The following EGR4 variants were observed in gnomAD, a reference collection of about 807,000 sequenced individuals.
EGR4 encodes early growth response protein 4.
A neutral mutation model predicts 25.4 loss-of-function variants in EGR4; 22 were observed. That is an observed-to-expected ratio of 0.87 (90% CI 0.62 to 1.24). The LOEUF is 1.24. EGR4 is among the 50% of genes most tolerant of loss of function. EGR4 has a pLI of 0.00. For synonymous variants in EGR4, 375 were observed against 320.1 expected (o/e 1.17, Z -1.83); for missense variants, 742 against 702.9 (o/e 1.06, Z -0.63).
rs761893603 is a variant in EGR4 at position 73,291,786 on chromosome 2, T to C, written c.1132A>G (p.Lys378Glu). The change falls in exon 2 of 2, where the codon AAG becomes GAG. Residue 378 changes from lysine to glutamate, a missense_variant. Coordinates refer to ENST00000436467, the MANE Select transcript of EGR4 (RefSeq NM_001965.4). ...TRCFCPRPHA[K>E]AFACPVESCV... ...CTCTCCACCGGGCAAGCGAAGGCCT[T>C]GGCGTGCGGCCGCGGGCAGAAGCAG... The C allele has an allele frequency of 1.3e-6, 2 of 1,597,952 alleles. No homozygotes were observed. Among genetic ancestry groups the C allele is most frequent in the Non-Finnish European group, 1.7e-6 (2 of 1,177,492 alleles).
At position 73,292,392 on chromosome 2, in the gene EGR4, G is replaced by C; in HGVS notation, c.526C>G (p.Gln176Glu). 6.5e-7 allele frequency: 1 copy of C among 1,532,596 alleles called. No individual in the cohort carries two copies. Among genetic ancestry groups the C allele is most frequent in the Non-Finnish European group, 8.8e-7 (1 of 1,142,692 alleles). The allele number at this position is 1,532,596 out of a possible 1,614,324, so 94.9% of individuals were successfully genotyped here. A position where few individuals can be genotyped will look rare whatever the true frequency, so the allele number is the denominator to read the frequency against. ...GAPSQCLYEP[Q>E]LSPPDVKPGL... Reference sequence around the variant, plus strand: ...GGCTTGACGTCGGGCGGGGAGAGCTGAGGCTCATACAGGCACTGCGAGGGG... The same window carrying C: ...GGCTTGACGTCGGGCGGGGAGAGCTCAGGCTCATACAGGCACTGCGAGGGG... Residue 176 changes from glutamine (Q) to glutamate (E), a missense_variant, in exon 2 of 2, where the codon CAG becomes GAG. Gln to Glu is a conservative substitution (Grantham distance 29). Coordinates refer to ENST00000436467, the MANE Select transcript of EGR4 (RefSeq NM_001965.4).
In EGR4 at chr2:73,293,289, G is replaced by C. The variant is rs1404964517; in HGVS notation, c.29C>G (p.Pro10Arg). The C allele has an allele frequency of 1.9e-6, 3 of 1,590,058 alleles. No homozygotes were observed. The African/African-American group carries it at 4.1e-5, about 22-fold the overall frequency. ...AGTGGACTTGACGAGGAGCGCGTCG[G>C]GTTCGGAAAACTCGCTAAGGTGGAG... The part of the protein sequence containing the change: MLHLSEFSE[P>R]DALLVKSTEG... Residue 10 changes from proline to arginine, a missense_variant, in exon 1 of 2, where the codon CCC becomes CGC. Pro to Arg is a moderately radical substitution (Grantham distance 103). Transcript: ENST00000436467.
In EGR4 at chr2:73,291,420, G is replaced by C; in HGVS notation, c.*37C>G. 1 of 1,534,340 alleles carries C rather than the reference G, an allele frequency of 6.5e-7. No individual in the cohort carries two copies. The highest frequency in any genetic ancestry group is 8.8e-7 in the Non-Finnish European group (1 of 1,142,748). ...GAACGGCCCGGAACTCGTGCGCGCC[G>C]AACGGCGGCGCCCCAACCCATAAAC... On this transcript the variant is annotated 3_prime_UTR_variant, in exon 2 of 2. Coordinates refer to ENST00000436467, the MANE Select transcript of EGR4 (RefSeq NM_001965.4).
rs753185119 is a variant in EGR4, at chr2:73,292,061, A to G, written c.857T>C (p.Leu286Pro). Residue 286 changes from leucine to proline, a missense_variant, in exon 2 of 2, where the codon CTC becomes CCC. Coordinates refer to ENST00000436467, the MANE Select transcript of EGR4 (RefSeq NM_001965.4). Reference protein sequence around the residue: ...LGEGAEGLPGLLTPPSGEGGS... With the variant: ...LGEGAEGLPGPLTPPSGEGGS... ...TCCCTCCCCACTAGGAGGGGTCAGG[A>G]GCCCAGGGAGGCCCTCAGCCCCCTC... is the stretch of plus-strand genomic sequence containing the variant. 10 of 1,610,592 alleles carry G rather than the reference A, an allele frequency of 6.2e-6. No individual in the cohort carries two copies. The South Asian group carries it at 9.9e-5, about 16-fold the overall frequency.
chr2:73,292,918 A>C (rs562247104), intron 1 of EGR4, 137 bp from the exon 2 acceptor site: 2 of 1,110,250 alleles, frequency 1.8e-6, no homozygotes, highest in South Asian at 6.7e-5. Flanking sequence ...AGGGGCCCGC[A>C]TACGTCCCAA....
intron 1 of EGR4, 135 bp downstream of exon 1, chr2:73,293,047 G>A: frequency 2.0e-6 from 2 of 981,716 alleles, no homozygotes; most frequent in Admixed American, 4.0e-5. Context: ...ATGGGGGTGC[G>A]CACCCCAGGA....
rs1428787548 is a variant in EGR4, at chr2:73,291,561, T to G, written c.1357A>C (p.Lys453Gln). The change falls in exon 2 of 2, where the codon AAG (lysine) becomes CAG (glutamine). Residue 453 changes from lysine (K) to glutamine (Q), a missense_variant. Physicochemically the swap from Lys to Gln is moderately conservative, Grantham distance 53 (BLOSUM62 1). Transcript: ENST00000436467. ...CGRRFARSDE[K>Q]KRHSKVHLKQ... is the part of the protein sequence containing the mutation. ...AGGTGCACCTTGCTGTGCCGTTTCT[T>G]CTCATCGCTGCGCGCGAAGCGGCGG... 1.9e-6 allele frequency: 3 copies of G among 1,613,394 alleles called. No individual in the cohort carries two copies. The highest frequency in any genetic ancestry group is 2.7e-5 in the African/African-American group (2 of 74,896).
chr2:73,291,423 C>A lies in EGR4; in HGVS notation c.*34G>T. ...CGGCCCGGAACTCGTGCGCGCCGAA[C>A]GGCGGCGCCCCAACCCATAAACCCA... On this transcript the variant is annotated 3_prime_UTR_variant, in exon 2 of 2. Coordinates refer to ENST00000436467, the MANE Select transcript of EGR4 (RefSeq NM_001965.4). The A allele has an allele frequency of 6.5e-7, 1 of 1,535,280 alleles. No homozygotes were observed. Among genetic ancestry groups the A allele is most frequent in the East Asian group, 2.3e-5 (1 of 44,022 alleles).
chr2:73,292,689 G>C lies in EGR4; in HGVS notation c.229C>G (p.Pro77Ala), dbSNP rs781246474. ...CFLEGPAPTP[P>A]PGLSYSGSFF... ...CTACCGCTGTAGCTGAGGCCGGGAG[G>C]GGGTGTGGGCGCAGGCCCCTCCAGG... The change falls in exon 2 of 2, where the codon CCT (proline) becomes GCT (alanine). Residue 77 changes from proline (P) to alanine (A), a missense_variant. Coordinates refer to ENST00000436467, the MANE Select transcript of EGR4 (RefSeq NM_001965.4). 1.2e-5 allele frequency: 18 copies of C among 1,527,652 alleles called. No homozygotes were observed. Among genetic ancestry groups the C allele is most frequent in the Admixed American group, 4.3e-5 (2 of 46,406 alleles). 94.6% of individuals were successfully genotyped at this position (1,527,652 alleles called of 1,614,324 possible). A position where few individuals can be genotyped will look rare whatever the true frequency, so the allele number is the denominator to read the frequency against.
At position 73,292,281 on chromosome 2, in the gene EGR4, C is replaced by G; in HGVS notation, c.637G>C (p.Val213Leu). Residue 213 changes from valine to leucine, a missense_variant, in exon 2 of 2, where the codon GTG becomes CTG. Coordinates refer to ENST00000436467, the MANE Select transcript of EGR4 (RefSeq NM_001965.4). ...GPYAPWELLS[V>L]GAPGNCGSQG... The stretch of plus-strand genomic sequence containing the variant: ...GACCCACAGTTCCCTGGGGCCCCCA[C>G]AGAAAGCAGCTCCCAGGGCGCGTAG... 2.5e-6 allele frequency: 4 copies of G among 1,609,778 alleles called. No homozygotes were observed. The highest frequency in any genetic ancestry group is 1.7e-5 in the Admixed American group (1 of 59,752).
rs539779042 is a variant in EGR4, at chr2:73,292,151, G to T, written c.767C>A (p.Pro256Gln). 3 of 1,588,670 alleles carry T rather than the reference G, an allele frequency of 1.9e-6. No individual in the cohort carries two copies. In the African/African-American group the frequency reaches 4.0e-5, roughly 21 times the overall value. Residue 256 changes from proline to glutamine, a missense_variant, in exon 2 of 2, where the codon CCA becomes CAA. Pro to Gln is a moderately conservative substitution (Grantham distance 76). Transcript: ENST00000436467. ...ISCPAELPAV[P>Q]ANRLYPSGAY... ...CCCGCTGGGATAGAGTCTGTTGGCT[G>T]GGACGGCCGGCAGTTCCGCAGGGCA... is the stretch of plus-strand genomic sequence containing the variant.
Position 73,291,738 on chromosome 2 carries a change from A to G in EGR4, c.1180T>C (p.Ser394Pro), listed in dbSNP as rs750540156. The change falls in exon 2 of 2, where the codon TCC becomes CCC. Residue 394 changes from serine (S) to proline (P), a missense_variant. Ser to Pro is a moderately conservative substitution (Grantham distance 74). Coordinates refer to ENST00000436467, the MANE Select transcript of EGR4 (RefSeq NM_001965.4). The stretch of plus-strand genomic sequence containing the variant: ...CGCAGGTGGCGATTGAGCTCGTCGG[A>G]GCGCGCAAAGCTCCGCACACAACTC... Reference protein sequence around the residue: ...VESCVRSFARSDELNRHLRIH... With the variant: ...VESCVRSFARPDELNRHLRIH... The G allele has an allele frequency of 1.9e-6, 3 of 1,603,144 alleles. No homozygotes were observed. Among genetic ancestry groups the G allele is most frequent in the Non-Finnish European group, 2.5e-6 (3 of 1,179,776 alleles).
intron 1 of EGR4, 96 bp downstream of exon 1, chr2:73,293,086 C>T (rs1385493421): frequency 1.6e-6 from 2 of 1,245,990 alleles, no homozygotes; most frequent in Non-Finnish European, 1.1e-6. Context: ...CCCCTATTCT[C>T]ATAGCTCCAA....
Position 73,292,322 on chromosome 2 carries a change from G to A in EGR4, c.596C>T (p.Ser199Phe). 3 of 1,596,910 alleles carry A rather than the reference G, an allele frequency of 1.9e-6. No homozygotes were observed. Among genetic ancestry groups the A allele is most frequent in the Non-Finnish European group, 2.6e-6 (3 of 1,170,830 alleles). Residue 199 changes from serine to phenylalanine, a missense_variant, in exon 2 of 2, where the codon TCT becomes TTT. Ser to Phe is a radical substitution (Grantham distance 155). Transcript: ENST00000436467. ...PPASPALDAVSAFKGPYAPWE... is the reference protein window; with the variant it reads ...PPASPALDAVFAFKGPYAPWE... ...GGGCGCGTAGGGACCCTTGAAGGCAGAGACAGCGTCCAGCGCTGGCGAGGC... is the reference window on the plus strand; with the variant it reads ...GGGCGCGTAGGGACCCTTGAAGGCAAAGACAGCGTCCAGCGCTGGCGAGGC...
At position 73,292,098 on chromosome 2, in the gene EGR4, C is replaced by A. The variant is rs917870142; in HGVS notation, c.820G>T (p.Gly274Cys). The change falls in exon 2 of 2, where the codon GGT becomes TGT. Residue 274 changes from glycine (G) to cysteine (C), a missense_variant. Physicochemically the swap from Gly to Cys is radical, Grantham distance 159 (BLOSUM62 -3). Coordinates refer to ENST00000436467, the MANE Select transcript of EGR4 (RefSeq NM_001965.4). The part of the protein sequence containing the change: ...GAYDAFPLAP[G>C]DLGEGAEGLP... ...CCCTCAGCCCCCTCCCCTAAGTCAC[C>A]CGGGGCCAGCGGGAAAGCGTCATAG... is the stretch of plus-strand genomic sequence containing the variant. 6.2e-7 allele frequency: 1 copy of A among 1,607,682 alleles called. No individual in the cohort carries two copies. Among genetic ancestry groups the A allele is most frequent in the Non-Finnish European group, 8.5e-7 (1 of 1,177,418 alleles).
Position 73,293,396 on chromosome 2 carries a change from T to C in EGR4, c.-79A>G. 1.3e-6 allele frequency: 2 copies of C among 1,506,244 alleles called. No individual in the cohort carries two copies. The highest frequency in any genetic ancestry group is 8.9e-7 in the Non-Finnish European group (1 of 1,129,506). The allele number at this position is 1,506,244 out of a possible 1,614,324, so 93.3% of individuals were successfully genotyped here. A position where few individuals can be genotyped will look rare whatever the true frequency, so the allele number is the denominator to read the frequency against. ...GCGCGGGTGGCGGGGAGGCTGGCGG[T>C]AGGGGTTCCCCGCAGCGCACAGACC... On this transcript the variant is annotated 5_prime_UTR_variant, in exon 1 of 2. Coordinates refer to ENST00000436467, the MANE Select transcript of EGR4 (RefSeq NM_001965.4).
chr2:73,292,212 T>C lies in EGR4; in HGVS notation c.706A>G (p.Ile236Val). Residue 236 changes from isoleucine to valine, a missense_variant, in exon 2 of 2, where the codon ATA becomes GTA. By Grantham distance (29) the Ile-to-Val change is conservative. Coordinates refer to ENST00000436467, the MANE Select transcript of EGR4 (RefSeq NM_001965.4). Reference protein sequence around the residue: ...QAAPEARFPVIGTKIEDLLSI... With the variant: ...QAAPEARFPVVGTKIEDLLSI... ...AGCAAGTCCTCAATCTTGGTCCCTA[T>C]TACGGGAAAACGAGCCTCCGGGGCG... 6.3e-7 allele frequency: 1 copy of C among 1,597,988 alleles called. No homozygotes were observed. The highest frequency in any genetic ancestry group is 8.5e-7 in the Non-Finnish European group (1 of 1,172,374).
chr2:73,293,244 G>T lies in EGR4; in HGVS notation c.74C>A (p.Pro25His). 6.3e-7 allele frequency: 1 copy of T among 1,576,100 alleles called. No individual in the cohort carries two copies. Among genetic ancestry groups the T allele is most frequent in the Non-Finnish European group, 8.6e-7 (1 of 1,163,352 alleles). The change falls in exon 1 of 2, where the codon CCC becomes CAC. Residue 25 changes from proline to histidine, a missense_variant. Coordinates refer to ENST00000436467, the MANE Select transcript of EGR4 (RefSeq NM_001965.4). ...VKSTEGCCAEPSAELPRLPAR... is the reference protein window; with the variant it reads ...VKSTEGCCAEHSAELPRLPAR... ...AGGCAGCCGGGGCAATTCAGCGCTG[G>T]GTTCGGCGCAACAGCCTTCAGTGGA...
At position 73,293,377 on chromosome 2, in the gene EGR4, GTGGCGGGGAGGC is replaced by G. The variant is rs1689151748; in HGVS notation, c.-72_-61del. ...GCCCGCTGGGCTTGGGGGCGCGCGGGTGGCGGGGAGGCTGGCGGTAGGGGTTCCCCGCAGCGC... is the reference window on the plus strand; with the variant it reads ...GCCCGCTGGGCTTGGGGGCGCGCGGGTGGCGGTAGGGGTTCCCCGCAGCGC... On this transcript the variant is annotated 5_prime_UTR_variant, in exon 1 of 2. Coordinates refer to ENST00000436467, the MANE Select transcript of EGR4 (RefSeq NM_001965.4). The G allele has an allele frequency of 2.7e-6, 4 of 1,499,144 alleles. No homozygotes were observed. The highest frequency in any genetic ancestry group is 3.5e-6 in the Non-Finnish European group (4 of 1,127,208). The allele number at this position is 1,499,144 out of a possible 1,614,324, so 92.9% of individuals were successfully genotyped here.
Sources: allele counts gnomAD v4.1 joint callset, GRCh38; gene constraint gnomAD v4.1.1; transcripts MANE v1.5; gene names NCBI Gene and HGNC (gene_info 2026-07-23, HGNC 2026-07-21).